The following APC variants were observed in gnomAD, a reference collection of about 807,000 sequenced individuals.
APC encodes APC regulator of Wnt signaling pathway.
In APC, 72 loss-of-function variants were observed where a neutral mutation model predicts 247.0. The observed-to-expected ratio is 0.29, with a 90% CI of 0.24 to 0.35. APC has a LOEUF of 0.35. APC is among the 10% of genes least tolerant of loss of function. The probability of loss-of-function intolerance (pLI) is 1.00; values close to 1 mark genes in which losing one functional copy is unlikely to be tolerated. For missense variants in APC, 3,400 were observed against 3,360.7 expected, an observed-to-expected ratio of 1.01 and a Z score of -0.29; for synonymous variants, 1,254 against 1,162.5, an observed-to-expected ratio of 1.08 and a Z score of -1.60.
intron 5 of APC, among the ~76,000 whole-genome samples, chr5:112,776,771 G>A (rs1406102310): frequency 6.6e-6 from 1 of 152,000 alleles, no homozygotes; most frequent in Non-Finnish European, 1.5e-5. Context: ...AACCTGGGAG[G>A]CAGAGGTTGC....
At chr5:112,832,078 T>A (rs1454002998) in intron 14 of APC, among the ~76,000 whole-genome samples, 4 of 152,254 alleles carry the variant, frequency 2.6e-5, no homozygotes, top group Admixed American at 2.6e-4. Context: ...CTGTATTTTA[T>A]ACTTTTTGGT....
intron 8 of APC, among the ~76,000 whole-genome samples, chr5:112,807,884 G>A (rs941950186): frequency 6.6e-6 from 1 of 152,128 alleles, no homozygotes. Flanking sequence ...GCCAGGTGTG[G>A]TGGCTCACAC....
chr5:112,822,580 C>T (rs954932692), intron 11 of APC, among the ~76,000 whole-genome samples: 59 of 152,228 alleles, frequency 3.9e-4, no homozygotes, highest in Admixed American at 1.7e-3. Context: ...CACACTAAGC[C>T]TTATATAACC....
chr5:112,832,264 A>T (rs929170764), intron 14 of APC, among the ~76,000 whole-genome samples: 2 of 151,986 alleles, frequency 1.3e-5, no homozygotes, highest in African/African-American at 4.8e-5. Flanking sequence ...GGCCAGTTGC[A>T]TCTTAATTCA....
chr5:112,841,072 G>C lies in APC; in HGVS notation c.5478G>C (p.Lys1826Asn), dbSNP rs768922376. The C allele has an allele frequency of 6.2e-7, 1 of 1,612,724 alleles. No homozygotes were observed. Among genetic ancestry groups the C allele is most frequent in the Non-Finnish European group, 8.5e-7 (1 of 1,178,810 alleles). The change falls in exon 16 of 16, where the codon AAG becomes AAC. Residue 1826 changes from lysine to asparagine, a missense_variant. Lys to Asn is a moderately conservative substitution (Grantham distance 94). This residue lies in a region of APC where 1,788 missense variants were observed against 1,649.5 expected (regional missense o/e 1.08). Transcript: ENST00000257430. The surrounding 1 kb of genome is among the most constrained non-coding windows in gnomAD (Gnocchi z 4.6). ...LKNNSKVFND[K>N]LPNNEDRVRG... is the part of the protein sequence containing the mutation. ...ATAATTCCAAGGTCTTCAATGATAA[G>C]CTCCCAAATAATGAAGATAGAGTCA...
At chr5:112,736,864 A>G (rs1752420882), upstream of APC, among the ~76,000 whole-genome samples, 1 of 152,194 alleles carries the variant, frequency 6.6e-6, no homozygotes, top group Admixed American at 6.5e-5. Flanking sequence ...CAGTGAGCGG[A>G]GATTGCACCA....
At chr5:112,808,145 ACT>A (rs1761613140) in intron 8 of APC, among the ~76,000 whole-genome samples, 2 of 152,146 alleles carry the variant, frequency 1.3e-5, no homozygotes, top group African/African-American at 4.8e-5. Flanking sequence ...AGAGAGCGAG[ACT>A]CTGCCTCAAA....
chr5:112,794,017 T>C (rs1580429767), intron 7 of APC, among the ~76,000 whole-genome samples: 1 of 149,084 alleles, frequency 6.7e-6, no homozygotes, highest in South Asian at 2.2e-4. Flanking sequence ...TTTTCTTTTT[T>C]TAAGAGACGT....
chr5:112,716,698 T>G (rs1454329560), intron 1 of APC, among the ~76,000 whole-genome samples: 1 of 152,228 alleles, frequency 6.6e-6, no homozygotes, highest in Non-Finnish European at 1.5e-5. Context: ...TCTCTAATCT[T>G]TTATAAATTT....
chr5:112,716,707 T>G (rs939138347), intron 1 of APC, among the ~76,000 whole-genome samples: 2 of 152,228 alleles, frequency 1.3e-5, no homozygotes, highest in African/African-American at 4.8e-5. Context: ...TTTTATAAAT[T>G]TGAGGCTATG....
At chr5:112,770,475 C>CGTTTTT (rs1240498560) in intron 4 of APC, among the ~76,000 whole-genome samples, 1 of 151,978 alleles carries the variant, frequency 6.6e-6, no homozygotes, top group African/African-American at 2.4e-5. Flanking sequence ...TTTTTGTTTT[C>CGTTTTT]GTTTTTCTCC....
intron 7 of APC, among the ~76,000 whole-genome samples, chr5:112,799,035 C>G (rs1045639295): frequency 6.6e-6 from 1 of 151,914 alleles, no homozygotes; most frequent in Admixed American, 6.6e-5. Context: ...CATGGTGAAA[C>G]CCTGTCTCTA....
chr5:112,795,449 A>G (rs1467429690), intron 7 of APC, among the ~76,000 whole-genome samples: 1 of 152,118 alleles, frequency 6.6e-6, no homozygotes, highest in East Asian at 1.9e-4. Flanking sequence ...TGAGGATTAA[A>G]CTCGATTTCC....
At chr5:112,713,170 CAA>C (rs10625710) in intron 1 of APC, among the ~76,000 whole-genome samples, 9 of 107,862 alleles carry the variant, frequency 8.3e-5, no homozygotes, top group African/African-American at 1.3e-4. Flanking sequence ...GACTCCATAG[CAA>C]AAAAAAAAAA....
At chr5:112,782,331 A>C (rs1305753811) in intron 6 of APC, among the ~76,000 whole-genome samples, 2 of 152,144 alleles carry the variant, frequency 1.3e-5, no homozygotes, top group East Asian at 3.9e-4. Flanking sequence ...CTCCCACAAC[A>C]CATGGGAGCT....
At chr5:112,823,894 G>A (rs1458777474) in intron 11 of APC, among the ~76,000 whole-genome samples, 2 of 152,160 alleles carry the variant, frequency 1.3e-5, no homozygotes, top group Non-Finnish European at 2.9e-5. Flanking sequence ...CCAGGGGAAG[G>A]GCCTAGGAAT....
At chr5:112,832,134 T>C (rs1177527141) in intron 14 of APC, among the ~76,000 whole-genome samples, 1 of 152,202 alleles carries the variant, frequency 6.6e-6, no homozygotes, top group Non-Finnish European at 1.5e-5. Flanking sequence ...CTCTAATTAT[T>C]TATTTTGTGT....
chr5:112,726,412 T>C (rs1751781871), intron 1 of APC, among the ~76,000 whole-genome samples: 1 of 152,234 alleles, frequency 6.6e-6, no homozygotes, highest in Non-Finnish European at 1.5e-5. Flanking sequence ...CAATTTCCTC[T>C]CTGACCATCC....
intron 15 of APC, among the ~76,000 whole-genome samples, chr5:112,836,853 A>T (rs1434725207): frequency 1.3e-5 from 2 of 151,874 alleles, no homozygotes; most frequent in Non-Finnish European, 2.9e-5. Flanking sequence ...GGCATGCACT[A>T]CCATGCCCGG....
Sources: allele counts gnomAD v4.1 joint callset (sites outside exome capture counted in the v4.1 genomes callset), GRCh38; gene constraint gnomAD v4.1.1; regional missense constraint gnomAD v4.1.1; non-coding constraint Gnocchi (gnomAD v3.1); transcripts MANE v1.5; gene names NCBI Gene and HGNC (gene_info 2026-07-23, HGNC 2026-07-21).